Variants in MATN2 observed in about 807,000 individuals in gnomAD.
MATN2 encodes matrilin-2.
MATN2 carries 69 observed loss-of-function variants against 103.2 expected under a neutral mutation model. The observed-to-expected ratio is 0.67, with a 90% CI of 0.55 to 0.82. MATN2 has a LOEUF of 0.82. Among genes scored for constraint, MATN2 ranks in the 40% least tolerant of loss-of-function variants. The pLI is 0.00. For synonymous variants in MATN2, 429 were observed against 450.2 expected, an observed-to-expected ratio of 0.95 and a Z score of 0.60; for missense variants, 1,023 against 1,211.5, an observed-to-expected ratio of 0.84 and a Z score of 2.31.
At chr8:97,985,211 G>A (rs1186194252) in intron 6 of MATN2, among the ~76,000 whole-genome samples, 2 of 152,168 alleles carry the variant, frequency 1.3e-5, no homozygotes, top group African/African-American at 4.8e-5. Flanking sequence ...AGATCACATG[G>A]TGAGAGAGGA....
chr8:97,919,556 C>T lies in MATN2; in HGVS notation c.143-11397C>T, dbSNP rs191597723. Among the ~76,000 whole-genome samples, 213 of 152,264 alleles carry T rather than the reference C, an allele frequency of 1.4e-3. 2 individuals carry two copies. Among genetic ancestry groups the T allele is most frequent in the South Asian group, 8.1e-3 (39 of 4,824 alleles). On this transcript the variant is annotated intron_variant, in intron 2 of 18. Transcript: ENST00000254898. Reference sequence around the variant, plus strand: ...CGTCCCCACCTCTTTCTGATGTTATCGAGCTGTCGAGTATCCCAGCTGCAA... The same window carrying T: ...CGTCCCCACCTCTTTCTGATGTTATTGAGCTGTCGAGTATCCCAGCTGCAA...
chr8:98,012,902 G>A (rs1306274003), intron 10 of MATN2, among the ~76,000 whole-genome samples: 1 of 152,172 alleles, frequency 6.6e-6, no homozygotes, highest in African/African-American at 2.4e-5. Context: ...GAAGGGGTTG[G>A]ACTAGTTCAT....
intron 18 of MATN2, among the ~76,000 whole-genome samples, chr8:98,035,454 A>C (rs1178690544): frequency 4.6e-5 from 7 of 151,534 alleles, no homozygotes; most frequent in Admixed American, 2.6e-4. Context: ...AAAAAAAAAA[A>C]CCCAAAATAT....
At position 98,020,489 on chromosome 8, in the gene MATN2, ACT is replaced by A. The variant is rs1813549173; in HGVS notation, c.1820-715_1820-714del. Among the ~76,000 whole-genome samples the A allele has an allele frequency of 7.2e-5, 11 of 152,144 alleles. 1 individual carries two copies. The South Asian group carries it at 2.3e-3, about 32-fold the overall frequency. On this transcript the variant is annotated intron_variant, in intron 12 of 18. Transcript: ENST00000254898. The stretch of plus-strand genomic sequence containing the variant: ...CAAACATCTGCACACTCACACACAC[ACT>A]GTTTATTCATTCAACACATTTATTG...
chr8:97,881,757 C>T (rs993372750), intron 1 of MATN2, among the ~76,000 whole-genome samples: 1 of 152,120 alleles, frequency 6.6e-6, no homozygotes, highest in African/African-American at 2.4e-5. Context: ...TGAGAAACAA[C>T]CATTGAGATG....
intron 10 of MATN2, among the ~76,000 whole-genome samples, chr8:98,015,470 TCTC>T (rs1813328270): frequency 6.7e-6 from 1 of 149,350 alleles, no homozygotes; most frequent in Middle Eastern, 3.4e-3. Flanking sequence ...GTCACAGTGG[TCTC>T]CTTGCCTTTC....
intron 5 of MATN2, among the ~76,000 whole-genome samples, chr8:97,963,981 G>A (rs571868818): frequency 1.2e-4 from 18 of 152,238 alleles, no homozygotes; most frequent in African/African-American, 3.9e-4. Flanking sequence ...TATTGGCCAC[G>A]GAAGGTCAGA....
chr8:97,998,287 G>A (rs1449099932), intron 7 of MATN2, among the ~76,000 whole-genome samples: 9 of 150,400 alleles, frequency 6.0e-5, no homozygotes, highest in Middle Eastern at 3.4e-3. Context: ...TTGGGAGGCC[G>A]AGGCGGGCGG....
At chr8:97,922,861 T>C (rs1809858725) in intron 2 of MATN2, among the ~76,000 whole-genome samples, 1 of 152,186 alleles carries the variant, frequency 6.6e-6, no homozygotes, top group African/African-American at 2.4e-5. Flanking sequence ...ACTGTATCTT[T>C]TTGGTCTGCC....
chr8:98,033,963 T>C (rs921553157), intron 18 of MATN2, among the ~76,000 whole-genome samples: 2 of 152,036 alleles, frequency 1.3e-5, no homozygotes, highest in African/African-American at 4.8e-5. Context: ...TAACTCCGTC[T>C]CTGCTAGGAA....
rs562626522 is a variant in MATN2 at position 97,897,854 on chromosome 8, C to T, written c.142+9612C>T. 3.3e-5 allele frequency among the ~76,000 whole-genome samples: 5 copies of T among 152,276 alleles called. 1 individual carries two copies. Among genetic ancestry groups the T allele is most frequent in the African/African-American group, 2.4e-5 (1 of 41,550 alleles). On this transcript the variant is annotated intron_variant, in intron 2 of 18. Transcript: ENST00000254898. ...TTCTTCATTCCTATCTTGTGATTAACGCTGGAAGAATCCAAAAAGCACAGC... is the reference window on the plus strand; with the variant it reads ...TTCTTCATTCCTATCTTGTGATTAATGCTGGAAGAATCCAAAAAGCACAGC...
intron 3 of MATN2, among the ~76,000 whole-genome samples, chr8:97,933,073 A>G (rs533420157): frequency 6.6e-6 from 1 of 152,316 alleles, no homozygotes; most frequent in South Asian, 2.1e-4. Flanking sequence ...CCCTGCTGAG[A>G]ACTAACTTCA....
chr8:98,018,650 C>A (rs1422295435), intron 12 of MATN2, among the ~76,000 whole-genome samples: 1 of 152,138 alleles, frequency 6.6e-6, no homozygotes, highest in African/African-American at 2.4e-5. Flanking sequence ...AGGTGACGGG[C>A]ACATCTCACA....
chr8:97,897,678 TCACGGGCAGTA>T (rs1818858092), intron 2 of MATN2, among the ~76,000 whole-genome samples: 1 of 152,324 alleles, frequency 6.6e-6, no homozygotes, highest in South Asian at 2.1e-4. Flanking sequence ...CTGCAGTGCA[TCACGGGCAGTA>T]CAATGACAGC....
intron 10 of MATN2, among the ~76,000 whole-genome samples, chr8:98,014,226 T>C (rs995602570): frequency 1.3e-5 from 2 of 152,162 alleles, no homozygotes; most frequent in African/African-American, 4.8e-5. Flanking sequence ...AAGGTTGACG[T>C]GAAAGAGCTA....
At chr8:97,971,484 G>A (rs1290784444) in intron 5 of MATN2, among the ~76,000 whole-genome samples, 16 of 152,138 alleles carry the variant, frequency 1.1e-4, no homozygotes, top group Non-Finnish European at 1.9e-4. Context: ...AATTTATTCC[G>A]TATTCAATGG....
chr8:97,889,353 T>C (rs1818548779), intron 2 of MATN2, among the ~76,000 whole-genome samples: 1 of 151,772 alleles, frequency 6.6e-6, no homozygotes, highest in Non-Finnish European at 1.5e-5. Flanking sequence ...TAAACAACAC[T>C]TTTGCAAATG....
At chr8:97,937,680 C>T (rs1810421776) in intron 3 of MATN2, among the ~76,000 whole-genome samples, 1 of 150,562 alleles carries the variant, frequency 6.6e-6, no homozygotes, top group African/African-American at 2.5e-5. Flanking sequence ...CCTCTGCCTC[C>T]CGGTTTCAAG....
intron 12 of MATN2, among the ~76,000 whole-genome samples, chr8:98,020,090 T>A (rs748881268): frequency 2.0e-5 from 3 of 152,104 alleles, no homozygotes; most frequent in Non-Finnish European, 2.9e-5. Context: ...TTGTGGAGAT[T>A]TTGTCTATAA....
Sources: gnomAD v4.1 joint callset for allele counts (sites outside exome capture counted in the v4.1 genomes callset) on GRCh38, gnomAD v4.1.1 for gene constraint, MANE v1.5 for transcripts, NCBI Gene and HGNC (gene_info 2026-07-23, HGNC 2026-07-21) for gene names.